Variants in ARMH3 observed in about 807,000 individuals in gnomAD.
The protein encoded by ARMH3 is armadillo like helical domain containing 3.
ARMH3 carries 60 observed loss-of-function variants against 99.1 expected under a neutral mutation model. The observed-to-expected ratio is 0.61, with a 90% CI of 0.49 to 0.75. The LOEUF (loss-of-function observed/expected upper bound fraction) is 0.75, where lower values mean the gene tolerates loss of function less well. Among genes scored for constraint, ARMH3 ranks in the 30% least tolerant of loss-of-function variants. ARMH3 has a pLI of 0.00. For synonymous variants in ARMH3, 285 were observed against 292.8 expected, an observed-to-expected ratio of 0.97 and a Z score of 0.27; for missense variants, 679 against 843.1, an observed-to-expected ratio of 0.81 and a Z score of 2.41.
At chr10:102,025,338 A>C in intron 5 of ARMH3, 90 bp from the exon 6 acceptor site, 1 of 930,216 alleles carries the variant, frequency 1.1e-6, no homozygotes, top group Non-Finnish European at 1.7e-6. Flanking sequence ...GGTAATGTGA[A>C]TAACACACAA....
chr10:102,018,656 G>A (rs1421697093), intron 8 of ARMH3, among the ~76,000 whole-genome samples: 1 of 152,158 alleles, frequency 6.6e-6, no homozygotes, highest in Admixed American at 6.5e-5. Flanking sequence ...ATATAAAAGT[G>A]TAGCACATAC....
chr10:102,047,962 T>C (rs1317749828), intron 1 of ARMH3, among the ~76,000 whole-genome samples: 2 of 152,120 alleles, frequency 1.3e-5, no homozygotes, highest in Admixed American at 1.3e-4. Flanking sequence ...CATCATACAA[T>C]ACTCGAGGCA....
Position 102,040,064 on chromosome 10 carries a change from G to A in ARMH3, c.51C>T (p.Ser17=). 6.2e-7 allele frequency: 1 copy of A among 1,614,156 alleles called. No individual in the cohort carries two copies. The highest frequency in any genetic ancestry group is 2.2e-5 in the East Asian group (1 of 44,882). The change falls in exon 2 of 26, where the codon TCC becomes TCT. Residue 17 remains serine (S), a synonymous_variant. Transcript: ENST00000370033. ...RGGLLRKSSA[S]KKPLKEKVVL... ...CCACTTTTTCCTTCAGTGGTTTTTTGGAGGCTGAAGATTTCCGGAGCAAAC... is the reference window on the plus strand; with the variant it reads ...CCACTTTTTCCTTCAGTGGTTTTTTAGAGGCTGAAGATTTCCGGAGCAAAC...
intron 24 of ARMH3, among the ~76,000 whole-genome samples, chr10:101,877,065 AG>A (rs1321560832): frequency 5.3e-5 from 8 of 152,040 alleles, no homozygotes; most frequent in Admixed American, 3.3e-4. Context: ...AAAAGTTAGC[AG>A]GGTGTGGTGG....
chr10:101,892,210 T>C (rs2067709997), intron 23 of ARMH3, among the ~76,000 whole-genome samples: 1 of 151,986 alleles, frequency 6.6e-6, no homozygotes, highest in Admixed American at 6.6e-5. Flanking sequence ...TTTGGGAGGC[T>C]AAGGTGGGCG....
At chr10:101,945,912 A>G (rs1844497852) in intron 22 of ARMH3, among the ~76,000 whole-genome samples, 1 of 151,280 alleles carries the variant, frequency 6.6e-6, no homozygotes. Flanking sequence ...ACAAAACCCC[A>G]TCTCTACTAA....
intron 19 of ARMH3, among the ~76,000 whole-genome samples, chr10:101,984,384 C>T (rs1467599076): frequency 6.6e-6 from 1 of 152,172 alleles, no homozygotes; most frequent in Non-Finnish European, 1.5e-5. Flanking sequence ...TTCCCATGAA[C>T]TTGAGAGTCA....
intron 1 of ARMH3, among the ~76,000 whole-genome samples, chr10:102,054,748 C>A (rs2067795170): frequency 6.6e-6 from 1 of 152,152 alleles, no homozygotes; most frequent in South Asian, 2.1e-4. Context: ...GTAATCCGAA[C>A]ACTTTGGGAG....
intron 1 of ARMH3, among the ~76,000 whole-genome samples, chr10:102,047,254 G>A (rs1409899132): frequency 6.6e-6 from 1 of 151,722 alleles, no homozygotes; most frequent in Admixed American, 6.6e-5. Context: ...ATTGAGTATA[G>A]TCAGTGTTCT....
intron 22 of ARMH3, among the ~76,000 whole-genome samples, chr10:101,947,755 A>G (rs752010211): frequency 1.3e-4 from 19 of 152,000 alleles, no homozygotes; most frequent in South Asian, 1.2e-3. Context: ...AGCCGAGATC[A>G]TGCCATTGCA....
intron 6 of ARMH3, 105 bp from the exon 7 acceptor site, chr10:102,023,854 C>T: frequency 9.1e-7 from 1 of 1,093,152 alleles, no homozygotes; most frequent in Admixed American, 2.0e-5. Context: ...TAAAATATTT[C>T]TACTAGATAA....
intron 8 of ARMH3, among the ~76,000 whole-genome samples, chr10:102,021,370 G>GT (rs2066881041): frequency 6.7e-6 from 1 of 150,148 alleles, no homozygotes; most frequent in African/African-American, 2.5e-5. Flanking sequence ...GTAAGCTACC[G>GT]TCCCCAGCCT....
chr10:101,868,634 C>T (rs1211486624), intron 24 of ARMH3, among the ~76,000 whole-genome samples: 3 of 152,154 alleles, frequency 2.0e-5, no homozygotes, highest in Non-Finnish European at 4.4e-5. Flanking sequence ...ATCTTTATGA[C>T]CCACTTCCAC....
intron 15 of ARMH3, among the ~76,000 whole-genome samples, chr10:102,001,650 G>A (rs1220337792): frequency 6.6e-6 from 1 of 152,158 alleles, no homozygotes; most frequent in Non-Finnish European, 1.5e-5. Context: ...CCTGAAGCGT[G>A]CTAATCCCTC....
intron 19 of ARMH3, among the ~76,000 whole-genome samples, chr10:101,986,552 G>A (rs1277169646): frequency 6.6e-6 from 1 of 151,856 alleles, no homozygotes; most frequent in Non-Finnish European, 1.5e-5. Context: ...CTGGCTTTGA[G>A]TATTAAGTCT....
chr10:101,989,291 T>C (rs1170511332), intron 19 of ARMH3, among the ~76,000 whole-genome samples: 3 of 152,088 alleles, frequency 2.0e-5, no homozygotes, highest in African/African-American at 4.8e-5. Flanking sequence ...CCCAGCTACT[T>C]TGGGAGGCTG....
At chr10:101,914,475 G>A (rs1159958951) in intron 23 of ARMH3, among the ~76,000 whole-genome samples, 5 of 140,956 alleles carry the variant, frequency 3.5e-5, no homozygotes, top group African/African-American at 5.3e-5. Context: ...GCCACAGAGC[G>A]AGACTCTGTC....
chr10:101,905,055 A>G (rs1033095185), intron 23 of ARMH3, among the ~76,000 whole-genome samples: 17 of 152,152 alleles, frequency 1.1e-4, no homozygotes, highest in Admixed American at 2.0e-4. Context: ...GGATTAATCC[A>G]GGAGCTATTA....
intron 17 of ARMH3, among the ~76,000 whole-genome samples, chr10:101,992,459 A>G (rs979531653): frequency 1.3e-5 from 2 of 152,168 alleles, no homozygotes; most frequent in Admixed American, 6.5e-5. Context: ...AGTAGTTGCA[A>G]AAAAATAAAG....
Sources: allele counts gnomAD v4.1 joint callset (sites outside exome capture counted in the v4.1 genomes callset), GRCh38; gene constraint gnomAD v4.1.1; transcripts MANE v1.5; gene names NCBI Gene and HGNC (gene_info 2026-07-23, HGNC 2026-07-21).